Variants in SGCG observed in about 807,000 individuals in gnomAD.
SGCG encodes sarcoglycan gamma, also known as gamma-sarcoglycan.
A neutral mutation model predicts 29.3 loss-of-function variants in SGCG; 26 were observed. That is an observed-to-expected ratio of 0.89 (90% CI 0.65 to 1.23). The LOEUF is 1.23. SGCG is among the 50% of genes most tolerant of loss of function. SGCG has a pLI of 0.00. For synonymous variants in SGCG, 145 were observed against 129.7 expected, an observed-to-expected ratio of 1.12 and a Z score of -0.80; for missense variants, 353 against 356.0, an observed-to-expected ratio of 0.99 and a Z score of 0.07.
upstream of SGCG, among the ~76,000 whole-genome samples, chr13:23,177,241 G>A (rs1052238100): frequency 2.0e-5 from 3 of 152,160 alleles, no homozygotes; most frequent in Admixed American, 1.3e-4. Context: ...AGAAAGGGAT[G>A]AGCTTGGTCA....
intron 1 of SGCG, among the ~76,000 whole-genome samples, chr13:23,182,630 T>G (rs1160405286): frequency 6.6e-6 from 1 of 152,228 alleles, no homozygotes; most frequent in African/African-American, 2.4e-5. Context: ...ATTTTATATG[T>G]TATGCTGTAG....
At chr13:23,283,575 C>A (rs963697396) in intron 5 of SGCG, among the ~76,000 whole-genome samples, 1 of 152,144 alleles carries the variant, frequency 6.6e-6, no homozygotes, top group Admixed American at 6.5e-5. Flanking sequence ...TCCAGTTTGC[C>A]AGTCTGTGTC....
chr13:23,160,595 G>A, the SGCG span, among the ~76,000 whole-genome samples: 3 of 152,182 alleles, frequency 2.0e-5, no homozygotes, highest in Non-Finnish European at 4.4e-5. Flanking sequence ...CGTCGGGAAT[G>A]AAGGGAAATG....
At chr13:23,207,041 G>A (rs1455905620) in intron 2 of SGCG, among the ~76,000 whole-genome samples, 1 of 152,192 alleles carries the variant, frequency 6.6e-6, no homozygotes, top group African/African-American at 2.4e-5. Context: ...CAACGCTAGA[G>A]GCGTCATGCT....
chr13:23,301,353 T>G (rs538499224), intron 6 of SGCG, among the ~76,000 whole-genome samples: 1 of 152,108 alleles, frequency 6.6e-6, no homozygotes, highest in Non-Finnish European at 1.5e-5. Context: ...ATAGAAATTA[T>G]AGAAATGAGA....
chr13:23,236,485 G>A (rs962612733), intron 3 of SGCG, among the ~76,000 whole-genome samples: 1 of 152,112 alleles, frequency 6.6e-6, no homozygotes, highest in Non-Finnish European at 1.5e-5. Flanking sequence ...AGACCATCCT[G>A]GCTAACACAG....
the SGCG span, among the ~76,000 whole-genome samples, chr13:23,166,793 A>G: frequency 6.6e-6 from 1 of 152,184 alleles, no homozygotes; most frequent in African/African-American, 2.4e-5. Context: ...GTAGGTACAT[A>G]GTAGGTGTAT....
intron 2 of SGCG, among the ~76,000 whole-genome samples, chr13:23,228,287 A>T (rs1175136820): frequency 6.6e-6 from 1 of 152,188 alleles, no homozygotes; most frequent in Admixed American, 6.5e-5. Flanking sequence ...CTTGTAAAAA[A>T]CTAAACAAAA....
At position 23,324,577 on chromosome 13, in the gene SGCG, G is replaced by T. The variant is rs752771653; in HGVS notation, c.*36G>T. 55 of 1,582,060 alleles carry T rather than the reference G, an allele frequency of 3.5e-5. No individual in the cohort carries two copies. Among genetic ancestry groups the T allele is most frequent in the Non-Finnish European group, 4.3e-5 (50 of 1,160,212 alleles). ...TCCTCTCGGTGAGCTGTGCAGTGCC[G>T]GCCCCAGATCCTCACACCCAGGGAG... On this transcript the variant is annotated 3_prime_UTR_variant, in exon 8 of 8. Coordinates refer to ENST00000218867, the MANE Select transcript of SGCG (RefSeq NM_000231.3).
Position 23,203,754 on chromosome 13 carries a change from T to C in SGCG, c.60T>C (p.Asn20=), listed in dbSNP as rs1407604505. ...GCATCTGCATAGAGAGGCCAGAGAA[T>C]CAGTATGTCTACAAAATTGGCATTT... is the stretch of plus-strand genomic sequence containing the variant. ...TEGICIERPE[N]QYVYKIGIYG... The change falls in exon 2 of 8, where the codon AAT becomes AAC. Residue 20 remains asparagine, a synonymous_variant. Transcript: ENST00000218867. 1 of 1,614,058 alleles carries C rather than the reference T, an allele frequency of 6.2e-7. No homozygotes were observed. The highest frequency in any genetic ancestry group is 2.2e-5 in the East Asian group (1 of 44,872).
the SGCG span, among the ~76,000 whole-genome samples, chr13:23,169,079 TC>T: frequency 4.6e-5 from 7 of 151,632 alleles, no homozygotes; most frequent in Non-Finnish European, 1.0e-4. Flanking sequence ...TTTAGAACTG[TC>T]ATCTGAAGTT....
upstream of SGCG, among the ~76,000 whole-genome samples, chr13:23,176,170 T>C (rs962861461): frequency 3.9e-5 from 6 of 152,172 alleles, no homozygotes; most frequent in Admixed American, 1.3e-4. Context: ...CTTCCTATAA[T>C]GTCAGCCATA....
At chr13:23,309,290 T>A (rs1442642633) in intron 6 of SGCG, among the ~76,000 whole-genome samples, 3 of 152,164 alleles carry the variant, frequency 2.0e-5, no homozygotes, top group Non-Finnish European at 1.5e-5. Flanking sequence ...GGTCTTGTTA[T>A]ATTGTCCAGG....
chr13:23,285,657 G>GA (rs1284760643), intron 5 of SGCG, among the ~76,000 whole-genome samples: 1 of 152,114 alleles, frequency 6.6e-6, no homozygotes, highest in African/African-American at 2.4e-5. Context: ...ACTGTGGTAT[G>GA]AAAAAAAACT....
At chr13:23,246,439 A>G (rs1234036737) in intron 3 of SGCG, 1 of 152,224 alleles carries the variant, frequency 6.6e-6, no homozygotes, top group Non-Finnish European at 1.5e-5. Flanking sequence ...AGGCACCTTT[A>G]CCAAATTCAG....
intron 4 of SGCG, among the ~76,000 whole-genome samples, chr13:23,255,450 TTG>T (rs1196708667): frequency 6.6e-6 from 1 of 152,098 alleles, no homozygotes; most frequent in Non-Finnish European, 1.5e-5. Context: ...AGTTAAGACT[TTG>T]GGGGACTTTT....
chr13:23,168,303 A>G, the SGCG span, among the ~76,000 whole-genome samples: 2 of 152,142 alleles, frequency 1.3e-5, no homozygotes, highest in Admixed American at 6.5e-5. Context: ...GTCACTATAG[A>G]AAATTGTCTT....
At chr13:23,293,304 T>G (rs1017314918) in intron 5 of SGCG, among the ~76,000 whole-genome samples, 6 of 152,256 alleles carry the variant, frequency 3.9e-5, no homozygotes, top group African/African-American at 1.2e-4. Context: ...ATTATAGTTT[T>G]TATGTAAATC....
At chr13:23,175,515 A>G in the SGCG span, among the ~76,000 whole-genome samples, 1 of 152,224 alleles carries the variant, frequency 6.6e-6, no homozygotes, top group African/African-American at 2.4e-5. Context: ...TGTTGCTTAC[A>G]AATTATTCAA....
Sources: gnomAD v4.1 joint callset for allele counts (sites outside exome capture counted in the v4.1 genomes callset) on GRCh38, gnomAD v4.1.1 for gene constraint, MANE v1.5 for transcripts, NCBI Gene and HGNC (gene_info 2026-07-23, HGNC 2026-07-21) for gene names.